The following ERP44 variants were observed in gnomAD, a reference collection of about 807,000 sequenced individuals.
ERP44 encodes the protein endoplasmic reticulum protein 44, also known as endoplasmic reticulum resident protein 44.
ERP44 carries 25 observed loss-of-function variants against 53.4 expected under a neutral mutation model. That is an observed-to-expected ratio of 0.47 (90% confidence interval 0.34 to 0.65). The LOEUF (loss-of-function observed/expected upper bound fraction) is 0.65, where lower values mean the gene tolerates loss of function less well. ERP44 is among the 30% of genes least tolerant of loss of function. The pLI is 0.01. For missense variants in ERP44, 338 were observed against 493.2 expected (o/e 0.69, Z 2.98); for synonymous variants, 145 against 161.2 (o/e 0.90, Z 0.76).
chr9:100,068,666 G>T (rs1343333926), intron 1 of ERP44, among the ~76,000 whole-genome samples: 36 of 144,140 alleles, frequency 2.5e-4, no homozygotes, highest in African/African-American at 8.5e-4. Context: ...GGAGGGAGGT[G>T]GGGGAGTCAA....
At chr9:99,995,927 T>C (rs1424271667) in intron 10 of ERP44, among the ~76,000 whole-genome samples, 1 of 150,710 alleles carries the variant, frequency 6.6e-6, no homozygotes, top group East Asian at 1.9e-4. Flanking sequence ...GTTCTTTTTT[T>C]TTTTTTTTTT....
At chr9:99,996,180 G>A (rs879862341) in intron 10 of ERP44, among the ~76,000 whole-genome samples, 9 of 152,032 alleles carry the variant, frequency 5.9e-5, no homozygotes, top group African/African-American at 1.2e-4. Flanking sequence ...TTTGGGTCAC[G>A]GAGGCAGATC....
chr9:100,077,332 C>T (rs551370635), intron 1 of ERP44, among the ~76,000 whole-genome samples: 8 of 152,318 alleles, frequency 5.3e-5, no homozygotes, highest in African/African-American at 1.9e-4. Context: ...CCATGTTCTC[C>T]ATCATCCTGA....
At chr9:99,985,521 A>G (rs1265987172) in intron 10 of ERP44, among the ~76,000 whole-genome samples, 3 of 152,232 alleles carry the variant, frequency 2.0e-5, no homozygotes, top group Non-Finnish European at 4.4e-5. Context: ...CTGCGAACCT[A>G]TAACAAAAAT....
intron 1 of ERP44, among the ~76,000 whole-genome samples, chr9:100,072,998 G>A (rs1002605313): frequency 6.6e-6 from 1 of 152,148 alleles, no homozygotes; most frequent in Admixed American, 6.5e-5. Flanking sequence ...TGAACTTCAT[G>A]CTGACTCTTC....
At chr9:100,076,983 G>A (rs2118742386) in intron 1 of ERP44, among the ~76,000 whole-genome samples, 1 of 152,326 alleles carries the variant, frequency 6.6e-6, no homozygotes, top group East Asian at 1.9e-4. Context: ...CCACTGCTGA[G>A]TGCCCAGTTT....
chr9:100,036,814 A>T (rs1238482563), intron 4 of ERP44, among the ~76,000 whole-genome samples: 1 of 151,524 alleles, frequency 6.6e-6, no homozygotes, highest in South Asian at 2.1e-4. Context: ...TTGAGCTCAT[A>T]TAAGTAGAGA....
At chr9:100,054,742 G>T (rs1176895250) in intron 3 of ERP44, among the ~76,000 whole-genome samples, 2 of 152,082 alleles carry the variant, frequency 1.3e-5, no homozygotes. Context: ...AAGTATTTCA[G>T]ATAAGGGATA....
chr9:99,983,551 CAAAAAAAAAAA>C (rs59132233), intron 11 of ERP44, among the ~76,000 whole-genome samples: 11 of 66,978 alleles, frequency 1.6e-4, no homozygotes, highest in Non-Finnish European at 2.7e-4. Context: ...GACTCCGTCT[CAAAAAAAAAAA>C]AAAAAAAAAA....
At chr9:100,061,308 G>A (rs984573499) in intron 1 of ERP44, among the ~76,000 whole-genome samples, 7 of 151,870 alleles carry the variant, frequency 4.6e-5, no homozygotes, top group African/African-American at 1.7e-4. Context: ...GCCGGGCATG[G>A]TGGCAGGTGC....
At chr9:100,057,495 C>T (rs1826097853) in intron 3 of ERP44, among the ~76,000 whole-genome samples, 1 of 152,162 alleles carries the variant, frequency 6.6e-6, no homozygotes, top group Admixed American at 6.5e-5. Context: ...CAAATCATGA[C>T]TTATAAACAC....
intron 6 of ERP44, 41 bp from the exon 7 acceptor site, chr9:100,018,354 A>G (rs763292128): frequency 1.6e-6 from 2 of 1,233,482 alleles, no homozygotes; most frequent in South Asian, 2.4e-5. Context: ...GAATGACAGA[A>G]TTTTGCAATG....
At chr9:100,067,344 C>A (rs1327918366) in intron 1 of ERP44, among the ~76,000 whole-genome samples, 2 of 150,914 alleles carry the variant, frequency 1.3e-5, no homozygotes, top group East Asian at 1.9e-4. Context: ...GCGCGCGCCG[C>A]CGCGCCTGAC....
At chr9:100,035,834 A>G (rs1825844236) in intron 4 of ERP44, among the ~76,000 whole-genome samples, 1 of 152,212 alleles carries the variant, frequency 6.6e-6, no homozygotes, top group Admixed American at 6.5e-5. Flanking sequence ...TGCAAATCAA[A>G]ACCACAATGA....
chr9:100,035,078 A>T (rs2118678025), intron 4 of ERP44, among the ~76,000 whole-genome samples: 1 of 152,340 alleles, frequency 6.6e-6, no homozygotes, highest in East Asian at 1.9e-4. Context: ...TTAAGTCAAG[A>T]CAGATTAAAG....
At chr9:100,008,174 C>G (rs1003178929) in intron 8 of ERP44, among the ~76,000 whole-genome samples, 2 of 152,084 alleles carry the variant, frequency 1.3e-5, no homozygotes, top group African/African-American at 4.8e-5. Context: ...GTTGCAAAAA[C>G]CATTACACTT....
At chr9:100,025,180 C>T (rs925080437) in intron 4 of ERP44, among the ~76,000 whole-genome samples, 1 of 152,146 alleles carries the variant, frequency 6.6e-6, no homozygotes, top group African/African-American at 2.4e-5. Context: ...CACATCTTCA[C>T]CAGTAAATTC....
At chr9:99,998,374 C>G in intron 10 of ERP44, 1 of 603,996 alleles carries the variant, frequency 1.7e-6, no homozygotes, top group Non-Finnish European at 3.0e-6. Flanking sequence ...GCTTCCGCCA[C>G]ACGCGAGCTC....
intron 4 of ERP44, among the ~76,000 whole-genome samples, chr9:100,033,840 G>T (rs1246520960): frequency 6.6e-6 from 1 of 152,154 alleles, no homozygotes; most frequent in African/African-American, 2.4e-5. Flanking sequence ...AATGCTTTCT[G>T]ACTCAGCTCC....
Sources: allele counts gnomAD v4.1 joint callset (sites outside exome capture counted in the v4.1 genomes callset), GRCh38; gene constraint gnomAD v4.1.1; transcripts MANE v1.5; gene names NCBI Gene and HGNC (gene_info 2026-07-23, HGNC 2026-07-21).